Variants in SYNPR observed in about 807,000 individuals in gnomAD.
The protein encoded by SYNPR is synaptoporin.
Under a neutral mutation model 32.9 loss-of-function variants are expected in SYNPR, and 23 were observed. The observed-to-expected ratio is 0.70, with a 90% confidence interval of 0.50 to 0.99. SYNPR has a LOEUF of 0.99. SYNPR is among the 50% of genes least tolerant of loss of function. The pLI is 0.00. For missense variants in SYNPR, 318 were observed against 349.3 expected, an observed-to-expected ratio of 0.91 and a Z score of 0.71; for synonymous variants, 146 against 135.9, an observed-to-expected ratio of 1.07 and a Z score of -0.52.
intron 2 of SYNPR, among the ~76,000 whole-genome samples, chr3:63,368,738 T>G (rs1253485520): frequency 1.3e-5 from 2 of 152,102 alleles, no homozygotes. Flanking sequence ...AAAGATAGAA[T>G]GAAAAAAATG....
At chr3:63,509,033 G>T (rs1054985126) in intron 3 of SYNPR, among the ~76,000 whole-genome samples, 2 of 152,026 alleles carry the variant, frequency 1.3e-5, no homozygotes, top group African/African-American at 4.8e-5. Flanking sequence ...TTCTGGCTAT[G>T]TGGTCCTAGT....
intron 4 of SYNPR, among the ~76,000 whole-genome samples, chr3:63,564,068 G>C (rs1702742582): frequency 6.6e-6 from 1 of 151,830 alleles, no homozygotes; most frequent in Admixed American, 6.6e-5. Context: ...CCCAGGAACA[G>C]TGTATTTGAT....
intron 4 of SYNPR, among the ~76,000 whole-genome samples, chr3:63,606,422 T>TTTTC (rs1559549592): frequency 7.7e-6 from 1 of 129,510 alleles, no homozygotes; most frequent in Non-Finnish European, 1.6e-5. Context: ...CCTTTCTTTT[T>TTTTC]TTTTTTTTTT....
At position 63,529,437 on chromosome 3, in the gene SYNPR, G is replaced by C. The variant is rs530220410; in HGVS notation, c.210-27106G>C. 1.3e-3 allele frequency among the ~76,000 whole-genome samples: 197 copies of C among 152,284 alleles called. 1 individual carries two copies. Among genetic ancestry groups the C allele is most frequent in the African/African-American group, 4.6e-3 (192 of 41,550 alleles). On this transcript the variant is annotated intron_variant, in intron 3 of 5. Coordinates refer to ENST00000478300, the MANE Select transcript of SYNPR (RefSeq NM_001130003.2). ...GTAGTTGGTTGAATCTGCAGATGTG[G>C]AGCCCAGGTACAGGGAGGTCTGAGT...
chr3:63,490,506 G>T (rs1000755337), intron 3 of SYNPR, among the ~76,000 whole-genome samples: 3 of 152,092 alleles, frequency 2.0e-5, no homozygotes, highest in African/African-American at 7.2e-5. Flanking sequence ...CCAAGGAAAA[G>T]ATGGTGGTGG....
chr3:63,282,684 G>GAAAAAA (rs34234414), intron 2 of SYNPR, among the ~76,000 whole-genome samples: 2 of 115,908 alleles, frequency 1.7e-5, no homozygotes, highest in Non-Finnish European at 1.7e-5. Context: ...CACTGTCTCA[G>GAAAAAA]AAAAAAAAAA....
intron 4 of SYNPR, among the ~76,000 whole-genome samples, chr3:63,560,142 C>A (rs1409271342): frequency 6.6e-6 from 1 of 151,974 alleles, no homozygotes; most frequent in Non-Finnish European, 1.5e-5. Context: ...GAGGAAGGAA[C>A]AGAGAGAGAT....
chr3:63,401,476 T>C (rs572874587), intron 2 of SYNPR, among the ~76,000 whole-genome samples: 7 of 152,198 alleles, frequency 4.6e-5, no homozygotes, highest in Admixed American at 2.0e-4. Flanking sequence ...TCAGTGGTCA[T>C]GTCTACCTCC....
intron 2 of SYNPR, among the ~76,000 whole-genome samples, chr3:63,290,599 G>T (rs571567182): frequency 3.3e-5 from 5 of 151,650 alleles, no homozygotes; most frequent in African/African-American, 7.3e-5. Context: ...TCACTGATCC[G>T]TTGTATAAAA....
chr3:63,609,333 T>C lies in SYNPR; in HGVS notation c.600+17T>C. On this transcript the variant is annotated intron_variant, in intron 5 of 5. Transcript: ENST00000478300. ...ACTTCTGTGGTAAGTATTTTTCATC[T>C]ATGCTTTACTGTTCATATCTTTGTT... 1 of 1,520,002 alleles carries C rather than the reference T, an allele frequency of 6.6e-7. No individual in the cohort carries two copies. The highest frequency in any genetic ancestry group is 8.8e-7 in the Non-Finnish European group (1 of 1,130,372). The allele number at this position is 1,520,002 out of a possible 1,614,324, so 94.2% of individuals were successfully genotyped here.
rs145639820 is a variant in SYNPR, at chr3:63,343,267, T to G, written c.84+64525T>G. ...GTAGGTGTGCTGCAACAGCTTTTCA[T>G]GGTTTTAAGCAGGAAAAATCATGCA... is the stretch of plus-strand genomic sequence containing the variant. On this transcript the variant is annotated intron_variant, in intron 2 of 5. Transcript: ENST00000478300. Among the ~76,000 whole-genome samples, 262 of 152,310 alleles carry G rather than the reference T, an allele frequency of 1.7e-3. 1 individual carries two copies. The highest frequency in any genetic ancestry group is 6.2e-3 in the African/African-American group (256 of 41,560).
chr3:63,504,593 G>C (rs1191965276), intron 3 of SYNPR, among the ~76,000 whole-genome samples: 1 of 152,052 alleles, frequency 6.6e-6, no homozygotes, highest in African/African-American at 2.4e-5. Flanking sequence ...TTGCTAAAAT[G>C]CTATGCATTT....
At chr3:63,203,870 A>C in the SYNPR span, among the ~76,000 whole-genome samples, 1 of 152,080 alleles carries the variant, frequency 6.6e-6, no homozygotes, top group Non-Finnish European at 1.5e-5. Context: ...GTGGTGGTGG[A>C]TGCCTGTAAT....
At chr3:63,235,484 T>G (rs368056392) in intron 1 of SYNPR, among the ~76,000 whole-genome samples, 3 of 152,242 alleles carry the variant, frequency 2.0e-5, no homozygotes, top group Admixed American at 6.5e-5. Context: ...ACGAATCTGC[T>G]GGATTGTCTG....
rs147006863 is a variant in SYNPR, at chr3:63,564,129, G to C, written c.408+7388G>C. On this transcript the variant is annotated intron_variant, in intron 4 of 5. Transcript: ENST00000478300. The stretch of plus-strand genomic sequence containing the variant: ...CCAAAAGTGTGTATGTATGTTGTTA[G>C]TCATAGACACACCTATCAGAATCTG... 8.6e-3 allele frequency among the ~76,000 whole-genome samples: 1,297 copies of C among 151,662 alleles called. 8 individuals are homozygous for C. Among genetic ancestry groups the C allele is most frequent in the Non-Finnish European group, 0.015 (994 of 67,958 alleles).
chr3:63,602,119 T>C (rs922725034), intron 4 of SYNPR, among the ~76,000 whole-genome samples: 6 of 152,244 alleles, frequency 3.9e-5, no homozygotes, highest in Admixed American at 3.9e-4. Flanking sequence ...CTTTTTCATA[T>C]GCTTCTTGGC....
chr3:63,538,649 G>A (rs761067434), intron 3 of SYNPR, among the ~76,000 whole-genome samples: 69 of 151,952 alleles, frequency 4.5e-4, no homozygotes, highest in Non-Finnish European at 9.1e-4. Flanking sequence ...TTGCCATCCT[G>A]TGCCCCCACC....
intron 1 of SYNPR, among the ~76,000 whole-genome samples, chr3:63,239,534 G>A (rs1226280117): frequency 4.8e-5 from 5 of 103,576 alleles, no homozygotes; most frequent in African/African-American, 1.8e-4. Context: ...GGTGTGTCAG[G>A]CACCCATCCT....
At chr3:63,600,066 T>TA (rs1297206564) in intron 4 of SYNPR, among the ~76,000 whole-genome samples, 1 of 152,228 alleles carries the variant, frequency 6.6e-6, no homozygotes. Context: ...AAGCTTGTGA[T>TA]ACGCTGTGGT....
Sources: gnomAD v4.1 joint callset for allele counts (sites outside exome capture counted in the v4.1 genomes callset) on GRCh38, gnomAD v4.1.1 for gene constraint, MANE v1.5 for transcripts, NCBI Gene and HGNC (gene_info 2026-07-23, HGNC 2026-07-21) for gene names.